The following PGM5 variants were observed in gnomAD, a reference collection of about 807,000 sequenced individuals.
PGM5 encodes phosphoglucomutase 5.
A neutral mutation model predicts 59.2 loss-of-function variants in PGM5; 23 were observed. That is an observed-to-expected ratio of 0.39 (90% CI 0.28 to 0.55). The LOEUF is 0.55. PGM5 is among the 20% of genes least tolerant of loss of function. The probability of loss-of-function intolerance (pLI) is 0.66; values close to 1 mark genes in which losing one functional copy is unlikely to be tolerated. For missense variants in PGM5, 574 were observed against 748.3 expected, an observed-to-expected ratio of 0.77 and a Z score of 2.72; for synonymous variants, 214 against 286.0, an observed-to-expected ratio of 0.75 and a Z score of 2.54.
chr9:68,496,118 T>C (rs1298074929), intron 9 of PGM5, among the ~76,000 whole-genome samples: 1 of 152,194 alleles, frequency 6.6e-6, no homozygotes, highest in Non-Finnish European at 1.5e-5. Context: ...TAGTATAACC[T>C]AAAAAATAAA....
intron 9 of PGM5, among the ~76,000 whole-genome samples, chr9:68,493,666 G>C (rs1824436548): frequency 6.6e-6 from 1 of 152,176 alleles, no homozygotes; most frequent in Non-Finnish European, 1.5e-5. Flanking sequence ...CTGCTTTTTA[G>C]GAAACTAAGG....
chr9:68,441,267 C>T (rs1460985476), intron 6 of PGM5, among the ~76,000 whole-genome samples: 2 of 151,840 alleles, frequency 1.3e-5, no homozygotes, highest in African/African-American at 4.8e-5. Context: ...GATGGAAAAT[C>T]CCCAACACAT....
chr9:68,372,090 A>T (rs1473840365), intron 1 of PGM5, among the ~76,000 whole-genome samples: 13 of 152,112 alleles, frequency 8.5e-5, no homozygotes, highest in Admixed American at 8.5e-4. Context: ...CAGCCTTGTG[A>T]AGCTAATACA....
At position 68,466,055 on chromosome 9, in the gene PGM5, C is replaced by T. The variant is rs1021184668; in HGVS notation, c.1159+847C>T. ...CCTTCCCCATTCTTTGTCTCTTGTCCTTCTGAGGCTCCAATTACACATGTG... is the reference window on the plus strand; with the variant it reads ...CCTTCCCCATTCTTTGTCTCTTGTCTTTCTGAGGCTCCAATTACACATGTG... On this transcript the variant is annotated intron_variant, in intron 7 of 10. Transcript: ENST00000396396. 1.2e-5 allele frequency: 11 copies of T among 901,686 alleles called. No individual in the cohort carries two copies. The African/African-American group carries it at 1.4e-4, about 12-fold the overall frequency. The allele number at this position is 901,686 out of a possible 1,614,324, so 55.9% of individuals were successfully genotyped here. A position where few individuals can be genotyped will look rare whatever the true frequency, so the allele number is the denominator to read the frequency against.
chr9:68,454,934 A>T (rs1355561083), intron 6 of PGM5, among the ~76,000 whole-genome samples: 2 of 152,260 alleles, frequency 1.3e-5, no homozygotes, highest in East Asian at 3.8e-4. Context: ...GAGCAGAATT[A>T]GTATGGCATG....
Position 68,514,810 on chromosome 9 carries a change from G to A in PGM5, c.1615-14757G>A, listed in dbSNP as rs139485284. ...CTGGCCTCTATTTCTTCCTCATTTA[G>A]GAAAATCATAAAGCATGCAGAAAAT... On this transcript the variant is annotated intron_variant, in intron 10 of 10. Coordinates refer to ENST00000396396, the MANE Select transcript of PGM5 (RefSeq NM_021965.4). Among the ~76,000 whole-genome samples, 39 of 152,222 alleles carry A rather than the reference G, an allele frequency of 2.6e-4. No individual in the cohort carries two copies. The East Asian group carries it at 7.3e-3, about 29-fold the overall frequency.
intron 1 of PGM5, among the ~76,000 whole-genome samples, chr9:68,361,795 G>A (rs1834584982): frequency 6.6e-6 from 1 of 151,844 alleles, no homozygotes; most frequent in African/African-American, 2.4e-5. Flanking sequence ...TACACGTTCA[G>A]CCCATTGCAA....
intron 9 of PGM5, chr9:68,498,278 T>C (rs1824514305): frequency 6.6e-6 from 1 of 152,158 alleles, no homozygotes; most frequent in African/African-American, 2.4e-5. Flanking sequence ...GCAATATAAA[T>C]TGATAGTTTA....
Position 68,499,372 on chromosome 9 carries a change from A to C in PGM5, c.1614+11A>C. 1.2e-6 allele frequency: 2 copies of C among 1,613,588 alleles called. No homozygotes were observed. Among genetic ancestry groups the C allele is most frequent in the Non-Finnish European group, 8.5e-7 (1 of 1,179,734 alleles). On this transcript the variant is annotated intron_variant, in intron 10 of 10. Coordinates refer to ENST00000396396, the MANE Select transcript of PGM5 (RefSeq NM_021965.4). ...GACCAGGAGCCACAGGTACAGAAAC[A>C]GCTGTGCTCCCAGCAGTGTGTCTCG...
At chr9:68,519,936 T>TAAATAAAA (rs1462149086) in intron 10 of PGM5, among the ~76,000 whole-genome samples, 4 of 146,622 alleles carry the variant, frequency 2.7e-5, no homozygotes, top group African/African-American at 1.1e-4. Context: ...AATAAATAAA[T>TAAATAAAA]AAAATTAGCC....
intron 6 of PGM5, among the ~76,000 whole-genome samples, chr9:68,413,190 TG>T (rs1822964297): frequency 6.6e-6 from 1 of 152,212 alleles, no homozygotes; most frequent in Non-Finnish European, 1.5e-5. Flanking sequence ...TATACCTGTC[TG>T]GCTATCTTCA....
intron 6 of PGM5, among the ~76,000 whole-genome samples, chr9:68,458,428 GT>G (rs1184657498): frequency 6.6e-6 from 1 of 152,202 alleles, no homozygotes; most frequent in Non-Finnish European, 1.5e-5. Context: ...AACTCTAGAA[GT>G]TTAGAGATAC....
At chr9:68,480,714 A>G (rs2132090720) in intron 8 of PGM5, among the ~76,000 whole-genome samples, 1 of 152,096 alleles carries the variant, frequency 6.6e-6, no homozygotes, top group South Asian at 2.1e-4. Context: ...AAAAAACAAA[A>G]CAAAACAAAA....
chr9:68,410,123 T>C (rs1822901058), intron 6 of PGM5, among the ~76,000 whole-genome samples: 1 of 152,178 alleles, frequency 6.6e-6, no homozygotes, highest in South Asian at 2.1e-4. Flanking sequence ...ACCATGCCCA[T>C]ATTTAGGCAG....
chr9:68,363,210 CATT>C (rs1385418894), intron 1 of PGM5, among the ~76,000 whole-genome samples: 5 of 152,246 alleles, frequency 3.3e-5, no homozygotes, highest in Admixed American at 1.3e-4. Context: ...CTGGAGATGA[CATT>C]ATATAATAGC....
At chr9:68,370,654 A>G (rs1196193659) in intron 1 of PGM5, among the ~76,000 whole-genome samples, 4 of 152,272 alleles carry the variant, frequency 2.6e-5, no homozygotes, top group African/African-American at 4.8e-5. Flanking sequence ...ATGACATTTT[A>G]TCTTTCTTTG....
intron 6 of PGM5, among the ~76,000 whole-genome samples, chr9:68,420,265 CTG>C (rs1458697413): frequency 6.6e-6 from 1 of 152,142 alleles, no homozygotes; most frequent in African/African-American, 2.4e-5. Flanking sequence ...ATCTGTGATT[CTG>C]TGGGTTGGAG....
chr9:68,504,685 C>T (rs1258352267), intron 10 of PGM5, among the ~76,000 whole-genome samples: 3 of 152,106 alleles, frequency 2.0e-5, no homozygotes, highest in Non-Finnish European at 4.4e-5. Context: ...GCTTTGCTTT[C>T]TCCATGGCAT....
intron 6 of PGM5, among the ~76,000 whole-genome samples, chr9:68,431,801 G>A (rs1371635833): frequency 6.6e-6 from 1 of 152,180 alleles, no homozygotes; most frequent in Non-Finnish European, 1.5e-5. Context: ...AGCTGTCTGA[G>A]AGGGGATTGC....
Sources: gnomAD v4.1 joint callset for allele counts (sites outside exome capture counted in the v4.1 genomes callset) on GRCh38, gnomAD v4.1.1 for gene constraint, MANE v1.5 for transcripts, NCBI Gene and HGNC (gene_info 2026-07-23, HGNC 2026-07-21) for gene names.